ANO4: variants seen among roughly 807,000 people sequenced by gnomAD.
ANO4 encodes anoctamin 4, also known as anoctamin-4.
In ANO4, 69 loss-of-function variants were observed where a neutral mutation model predicts 141.9. The observed-to-expected ratio is 0.49, with a 90% CI of 0.40 to 0.59. The LOEUF is 0.59. ANO4 is among the 20% of genes least tolerant of loss of function. The pLI, the probability that ANO4 is intolerant of heterozygous loss-of-function variation, is 0.00. For missense variants in ANO4, 894 were observed against 1,162.2 expected (o/e 0.77, Z 3.36); for synonymous variants, 350 against 394.3 (o/e 0.89, Z 1.33).
At chr12:100,973,897 T>C (rs1472564677) in intron 6 of ANO4, among the ~76,000 whole-genome samples, 1 of 152,198 alleles carries the variant, frequency 6.6e-6, no homozygotes, top group Non-Finnish European at 1.5e-5. Context: ...CACTGATCTT[T>C]TTATTGTCTC....
At position 100,786,972 on chromosome 12, in the gene ANO4, A is replaced by G. The variant is rs114829075; in HGVS notation, c.358+46867A>G. 4.0e-3 allele frequency among the ~76,000 whole-genome samples: 610 copies of G among 152,322 alleles called. 3 individuals are homozygous for G. The highest frequency in any genetic ancestry group is 0.014 in the African/African-American group (586 of 41,570). On this transcript the variant is annotated intron_variant, in intron 3 of 29. Coordinates refer to the ANO4 transcript ENST00000644049. ...CACAATAAGCTGAGAGGTTAGAAAG[A>G]TAGGTAAAAACACTCTCCCATCCCT...
intron 23 of ANO4, 41 bp downstream of exon 23, chr12:101,110,597 C>T (rs1171022635): frequency 6.8e-7 from 1 of 1,465,040 alleles, no homozygotes; most frequent in Admixed American, 2.5e-5. Context: ...ACATATTAAA[C>T]ATCTGGTGGA....
intron 26 of ANO4, among the ~76,000 whole-genome samples, chr12:101,122,745 C>G (rs1420993020): frequency 6.6e-6 from 1 of 152,092 alleles, no homozygotes; most frequent in Non-Finnish European, 1.5e-5. Flanking sequence ...TATACTGATT[C>G]ATATAGTTAA....
chr12:100,845,654 C>G (rs1040564797), intron 1 of ANO4, among the ~76,000 whole-genome samples: 4 of 152,036 alleles, frequency 2.6e-5, no homozygotes, highest in African/African-American at 9.7e-5. Flanking sequence ...AATATATTGT[C>G]TACATGGAGT....
In ANO4 at chr12:100,939,461, T is replaced by C; in HGVS notation, c.297+10T>C. 3 of 1,610,914 alleles carry C rather than the reference T, an allele frequency of 1.9e-6. No homozygotes were observed. Among genetic ancestry groups the C allele is most frequent in the Non-Finnish European group, 8.5e-7 (1 of 1,177,962 alleles). On this transcript the variant is annotated intron_variant, in intron 4 of 27. Coordinates refer to ENST00000392977, the MANE Select transcript of ANO4 (RefSeq NM_001286615.2). ...GGAAGCCGGGGGAGAGGTAAGAGTA[T>C]ATGATTTCTTACAAATGTAATTCGT...
intron 1 of ANO4, among the ~76,000 whole-genome samples, chr12:100,857,674 G>C (rs1379694462): frequency 6.6e-6 from 1 of 152,128 alleles, no homozygotes; most frequent in Non-Finnish European, 1.5e-5. Context: ...AATTATCCAT[G>C]TAAAATAAGA....
At chr12:100,923,830 T>C (rs1346128915) in intron 3 of ANO4, among the ~76,000 whole-genome samples, 2 of 152,230 alleles carry the variant, frequency 1.3e-5, no homozygotes, top group Non-Finnish European at 2.9e-5. Flanking sequence ...ATCGCCATTC[T>C]AACTTGTGTT....
chr12:100,955,165 A>C (rs1177405544), intron 5 of ANO4, among the ~76,000 whole-genome samples: 1 of 152,252 alleles, frequency 6.6e-6, no homozygotes, highest in East Asian at 1.9e-4. Flanking sequence ...ATTATTGTAT[A>C]ACAAACAACT....
intron 7 of ANO4, among the ~76,000 whole-genome samples, chr12:100,979,895 C>CTTT (rs71091474): frequency 4.2e-5 from 5 of 119,418 alleles, no homozygotes; most frequent in South Asian, 3.0e-4. Flanking sequence ...GCCCAGCTGA[C>CTTT]TTTTTTTTTT....
intron 2 of ANO4, among the ~76,000 whole-genome samples, chr12:100,919,254 TGTTTATA>T (rs1302672682): frequency 2.6e-5 from 4 of 152,170 alleles, no homozygotes; most frequent in African/African-American, 9.7e-5. Context: ...AAGTATACAG[TGTTTATA>T]AAGTCTACCA....
chr12:101,097,845 C>G lies in ANO4; in HGVS notation c.1909-3C>G. On this transcript the variant is annotated splice_polypyrimidine_tract_variant and splice_region_variant and intron_variant, in intron 20 of 27. Coordinates refer to ENST00000392977, the MANE Select transcript of ANO4 (RefSeq NM_001286615.2). Reference sequence around the variant, plus strand: ...GGAATTTCTGTGTTTGCTTACCTTGCAGTGCCACCCTAGTGGATGCCTTAT... The same window carrying G: ...GGAATTTCTGTGTTTGCTTACCTTGGAGTGCCACCCTAGTGGATGCCTTAT... 1 of 1,613,278 alleles carries G rather than the reference C, an allele frequency of 6.2e-7. No homozygotes were observed.
At chr12:100,924,398 C>T (rs546646272) in intron 3 of ANO4, among the ~76,000 whole-genome samples, 1 of 152,168 alleles carries the variant, frequency 6.6e-6, no homozygotes, top group South Asian at 2.1e-4. Flanking sequence ...ATAATGGAGA[C>T]CAGACTGCAA....
intron 15 of ANO4, among the ~76,000 whole-genome samples, chr12:101,079,541 C>CT (rs561847725): frequency 4.6e-5 from 7 of 151,356 alleles, no homozygotes; most frequent in South Asian, 4.2e-4. Context: ...GGTGGTGTAG[C>CT]TTTTTTTTTC....
intron 3 of ANO4, among the ~76,000 whole-genome samples, chr12:100,760,941 T>C (rs1314520895): frequency 2.0e-5 from 3 of 152,168 alleles, no homozygotes; most frequent in Admixed American, 6.5e-5. Context: ...AGGCTAAGTT[T>C]GAAGTAGGCA....
At chr12:100,919,720 GTA>G (rs1592717432) in intron 2 of ANO4, among the ~76,000 whole-genome samples, 4 of 133,450 alleles carry the variant, frequency 3.0e-5, no homozygotes, top group East Asian at 4.1e-4. Flanking sequence ...ATGTATGTAT[GTA>G]TGTGTGTATG....
chr12:101,079,760 G>A (rs937248798), intron 15 of ANO4, among the ~76,000 whole-genome samples: 9 of 152,126 alleles, frequency 5.9e-5, no homozygotes, highest in East Asian at 1.9e-4. Context: ...ACTCTGAAGC[G>A]GCCACCTTGG....
chr12:100,942,438 A>G lies in ANO4; in HGVS notation c.359A>G (p.Asp120Gly). 2 of 1,614,134 alleles carry G rather than the reference A, an allele frequency of 1.2e-6. No homozygotes were observed. The highest frequency in any genetic ancestry group is 1.7e-6 in the Non-Finnish European group (2 of 1,180,000). Residue 120 changes from aspartate (D) to glycine (G), a missense_variant, in exon 5 of 28, where the codon GAC (aspartate) becomes GGC (glycine). Physicochemically the swap from Asp to Gly is moderately conservative, Grantham distance 94. Coordinates refer to ENST00000392977, the MANE Select transcript of ANO4 (RefSeq NM_001286615.2). ...LYFRDGKCRI[D>G]YILVYRKSNP... ...TTTCGAGATGGAAAGTGTCGAATTG[A>G]CTACATCCTTGTGTACAGAAAATCC... is the stretch of plus-strand genomic sequence containing the variant.
At chr12:100,870,874 GTCT>G (rs967479261) in intron 1 of ANO4, among the ~76,000 whole-genome samples, 1 of 152,098 alleles carries the variant, frequency 6.6e-6, no homozygotes, top group African/African-American at 2.4e-5. Context: ...TTTTAAAGAA[GTCT>G]TCTTCTTCAC....
At chr12:101,119,810 A>G (rs2051006750) in intron 25 of ANO4, among the ~76,000 whole-genome samples, 1 of 152,172 alleles carries the variant, frequency 6.6e-6, no homozygotes, top group Non-Finnish European at 1.5e-5. Flanking sequence ...GATTTATGAG[A>G]GCTTGTTGTA....
Sources: gnomAD v4.1 joint callset for allele counts (sites outside exome capture counted in the v4.1 genomes callset) on GRCh38, gnomAD v4.1.1 for gene constraint, MANE v1.5 for transcripts, NCBI Gene and HGNC (gene_info 2026-07-23, HGNC 2026-07-21) for gene names.